Variants in SLC6A5 observed in about 807,000 individuals in gnomAD.
SLC6A5 encodes the protein solute carrier family 6 member 5, also known as sodium- and chloride-dependent glycine transporter 2.
Under a neutral mutation model 90.5 loss-of-function variants are expected in SLC6A5, and 58 were observed. That is an observed-to-expected ratio of 0.64 (90% CI 0.52 to 0.80). SLC6A5 has a LOEUF of 0.80. SLC6A5 is among the 30% of genes least tolerant of loss of function. The pLI, the probability that SLC6A5 is intolerant of heterozygous loss-of-function variation, is 0.00. For synonymous variants in SLC6A5, 427 were observed against 401.4 expected, an observed-to-expected ratio of 1.06 and a Z score of -0.76; for missense variants, 1,015 against 1,017.6, an observed-to-expected ratio of 1.00 and a Z score of 0.03.
chr11:20,652,304 A>G lies in SLC6A5; in HGVS notation c.2086A>G (p.Ser696Gly). The change falls in exon 15 of 16, where the codon AGC becomes GGC. Residue 696 changes from serine to glycine, a missense_variant. Physicochemically the swap from Ser to Gly is moderately conservative, Grantham distance 56. This residue lies in a region of SLC6A5 where 442 missense variants were observed against 494.3 expected (regional missense o/e 0.89). Transcript: ENST00000525748. Reference sequence around the variant, plus strand: ...CTCTTTCCAGTTTATCCTTTGCTTCAGCTTTTACCAGTGGGAGCCCATGAC... The same window carrying G: ...CTCTTTCCAGTTTATCCTTTGCTTCGGCTTTTACCAGTGGGAGCCCATGAC... The part of the protein sequence containing the change: ...PTILTFILCF[S>G]FYQWEPMTYG... 6.2e-7 allele frequency: 1 copy of G among 1,614,194 alleles called. No homozygotes were observed. The highest frequency in any genetic ancestry group is 8.5e-7 in the Non-Finnish European group (1 of 1,180,032).
At chr11:20,637,109 C>G in intron 11 of SLC6A5, 63 bp from the exon 12 acceptor site, 1 of 1,560,652 alleles carries the variant, frequency 6.4e-7, no homozygotes, top group Non-Finnish European at 8.8e-7. Flanking sequence ...ATACAAAGGG[C>G]TTGGGGGTAC....
At chr11:20,648,629 C>A (rs934140275) in intron 14 of SLC6A5, among the ~76,000 whole-genome samples, 2 of 152,154 alleles carry the variant, frequency 1.3e-5, no homozygotes, top group Non-Finnish European at 2.9e-5. Context: ...CACAGGCCTC[C>A]GGTGTTCCCA....
Position 20,655,007 on chromosome 11 carries a change from G to A in SLC6A5, c.*139G>A, listed in dbSNP as rs1353098631. The A allele has an allele frequency of 3.2e-6, 3 of 934,854 alleles. No homozygotes were observed. Among genetic ancestry groups the A allele is most frequent in the Non-Finnish European group, 5.3e-6 (3 of 568,210 alleles). 57.9% of individuals were successfully genotyped at this position (934,854 alleles called of 1,614,324 possible). On this transcript the variant is annotated 3_prime_UTR_variant, in exon 16 of 16. Transcript: ENST00000525748. ...CACATCCACGCATGAGAGTGATTAT[G>A]TAGAAAAGTAGGCATAGTGTCGCAT...
At chr11:20,605,182 C>T (rs1165018172) in intron 3 of SLC6A5, among the ~76,000 whole-genome samples, 1 of 152,126 alleles carries the variant, frequency 6.6e-6, no homozygotes, top group Non-Finnish European at 1.5e-5. Context: ...GCCGCGGGGC[C>T]GGCCGCTCTC....
chr11:20,625,926 CT>C (rs1379041830), intron 7 of SLC6A5, among the ~76,000 whole-genome samples: 1 of 152,230 alleles, frequency 6.6e-6, no homozygotes, highest in Non-Finnish European at 1.5e-5. Flanking sequence ...CAGACATTGT[CT>C]TTGTGTCTTC....
rs1384935990 is a variant in SLC6A5 at position 20,659,084 on chromosome 11, T to G, written c.*4216T>G. 6.9e-6 allele frequency: 1 copy of G among 145,842 alleles called. No homozygotes were observed. Among genetic ancestry groups the G allele is most frequent in the East Asian group, 2.0e-4 (1 of 5,044 alleles). The allele number at this position is 145,842 out of a possible 1,614,324, so 9.0% of individuals were successfully genotyped here. A position where few individuals can be genotyped will look rare whatever the true frequency, so the allele number is the denominator to read the frequency against. On this transcript the variant is annotated 3_prime_UTR_variant, in exon 16 of 16. Coordinates refer to ENST00000525748, the MANE Select transcript of SLC6A5 (RefSeq NM_004211.5). ...ATATATATATATATATATATATATC[T>G]TATAGATTACATATTATATACTGCA...
chr11:20,632,442 C>A (rs1447106844), intron 10 of SLC6A5, among the ~76,000 whole-genome samples: 1 of 152,276 alleles, frequency 6.6e-6, no homozygotes, highest in African/African-American at 2.4e-5. Context: ...AAATTGCCAA[C>A]AAATTGCCCA....
intron 7 of SLC6A5, among the ~76,000 whole-genome samples, chr11:20,626,183 T>G (rs1241216794): frequency 6.6e-6 from 1 of 152,262 alleles, no homozygotes; most frequent in East Asian, 1.9e-4. Context: ...AATAAATGTC[T>G]AAGGTCACAC....
At chr11:20,631,077 C>T (rs541317454) in intron 10 of SLC6A5, among the ~76,000 whole-genome samples, 170 of 152,318 alleles carry the variant, frequency 1.1e-3, no homozygotes, top group Admixed American at 1.6e-3. Context: ...TACCTTGCCC[C>T]TCTTAATTTA....
intron 7 of SLC6A5, among the ~76,000 whole-genome samples, chr11:20,621,606 C>T (rs1257939064): frequency 6.6e-6 from 1 of 152,204 alleles, no homozygotes; most frequent in Non-Finnish European, 1.5e-5. Flanking sequence ...AATTTACTAT[C>T]CTGCCCTGGG....
intron 10 of SLC6A5, among the ~76,000 whole-genome samples, chr11:20,635,643 GC>G (rs1163537137): frequency 6.6e-6 from 1 of 152,118 alleles, no homozygotes; most frequent in Non-Finnish European, 1.5e-5. Flanking sequence ...ACCTGCACAT[GC>G]ACCCCAGAAC....
chr11:20,603,332 G>C (rs908303947), intron 2 of SLC6A5, among the ~76,000 whole-genome samples: 3 of 152,138 alleles, frequency 2.0e-5, no homozygotes, highest in Non-Finnish European at 4.4e-5. Flanking sequence ...CATTTTTCCT[G>C]CTTACTAGTG....
chr11:20,613,307 A>G (rs915423241), intron 5 of SLC6A5, among the ~76,000 whole-genome samples: 2 of 152,206 alleles, frequency 1.3e-5, no homozygotes, highest in South Asian at 2.1e-4. Flanking sequence ...TAACTGCCAT[A>G]TAAGTGTAAG....
In SLC6A5 at chr11:20,618,010, C is replaced by G; in HGVS notation, c.1260+126C>G. On this transcript the variant is annotated intron_variant, in intron 7 of 15. Transcript: ENST00000525748. ...TGCTAATTCTGACTCTGCCCTGGAG[C>G]AGCTGAGGGGCTGTGACTTCACTTT... The G allele has an allele frequency of 1.6e-5, 15 of 961,154 alleles. No individual in the cohort carries two copies. The South Asian group carries it at 1.8e-4, about 12-fold the overall frequency. 59.5% of individuals were successfully genotyped at this position (961,154 alleles called of 1,614,324 possible).
chr11:20,646,326 C>T (rs972123333), intron 13 of SLC6A5, among the ~76,000 whole-genome samples: 4 of 152,148 alleles, frequency 2.6e-5, no homozygotes, highest in Non-Finnish European at 5.9e-5. Context: ...GTGCTATTAT[C>T]ATCTTGCACG....
chr11:20,658,169 T>C lies in SLC6A5; in HGVS notation c.*3301T>C, dbSNP rs1853660195. ...TTCCTTTAATTAAGTTCTTGTTTCC[T>C]CATCTATGTGTCTCTCAGTGCTTCC... On this transcript the variant is annotated 3_prime_UTR_variant, in exon 16 of 16. Transcript: ENST00000525748. 6.6e-6 allele frequency: 1 copy of C among 152,216 alleles called. No homozygotes were observed. The highest frequency in any genetic ancestry group is 1.5e-5 in the Non-Finnish European group (1 of 68,036). The allele number at this position is 152,216 out of a possible 1,614,324, so 9.4% of individuals were successfully genotyped here.
At chr11:20,648,478 G>T (rs369694143) in intron 14 of SLC6A5, among the ~76,000 whole-genome samples, 10 of 152,156 alleles carry the variant, frequency 6.6e-5, no homozygotes, top group African/African-American at 2.2e-4. Flanking sequence ...TCTGCAATTT[G>T]TCTGAAAAGT....
At chr11:20,648,044 T>G (rs771974097) in intron 14 of SLC6A5, among the ~76,000 whole-genome samples, 45 of 152,204 alleles carry the variant, frequency 3.0e-4, no homozygotes, top group Non-Finnish European at 2.4e-4. Flanking sequence ...CTGCCAGCTT[T>G]GCCCCACTTC....
chr11:20,604,475 A>C, intron 3 of SLC6A5, 51 bp downstream of exon 3: 1 of 1,456,536 alleles, frequency 6.9e-7, no homozygotes, highest in Non-Finnish European at 9.3e-7. Context: ...CGGGCACCTG[A>C]GGGTTGGGTG....
Sources: allele counts gnomAD v4.1 joint callset (sites outside exome capture counted in the v4.1 genomes callset), GRCh38; gene constraint gnomAD v4.1.1; regional missense constraint gnomAD v4.1.1; transcripts MANE v1.5; gene names NCBI Gene and HGNC (gene_info 2026-07-23, HGNC 2026-07-21).